DGKB: variants seen among roughly 807,000 people sequenced by gnomAD.
The protein encoded by DGKB is diacylglycerol kinase beta, also known as 90 kDa diacylglycerol kinase.
DGKB carries 67 observed loss-of-function variants against 114.3 expected under a neutral mutation model. The ratio of observed to expected loss-of-function variants is 0.59; its 90% CI spans 0.48 to 0.72. DGKB has a LOEUF of 0.72. DGKB is among the 30% of genes least tolerant of loss of function. The probability of loss-of-function intolerance (pLI) is 0.00; values close to 1 mark genes in which losing one functional copy is unlikely to be tolerated. For missense variants in DGKB, 907 were observed against 975.2 expected, an observed-to-expected ratio of 0.93 and a Z score of 0.93; for synonymous variants, 398 against 323.1, an observed-to-expected ratio of 1.23 and a Z score of -2.49.
At chr7:14,900,402 A>G (rs1411819920) in intron 1 of DGKB, among the ~76,000 whole-genome samples, 1 of 152,174 alleles carries the variant, frequency 6.6e-6, no homozygotes, top group Non-Finnish European at 1.5e-5. Context: ...TATTGTGCAT[A>G]TATAAATACA....
chr7:14,777,247 G>A (rs1043413908), intron 2 of DGKB, among the ~76,000 whole-genome samples: 8 of 152,138 alleles, frequency 5.3e-5, no homozygotes, highest in Non-Finnish European at 1.0e-4. Flanking sequence ...TGTCTCAGAT[G>A]AGACTTTGGA....
chr7:14,724,480 A>G (rs1829723584), intron 5 of DGKB, among the ~76,000 whole-genome samples: 1 of 152,212 alleles, frequency 6.6e-6, no homozygotes, highest in African/African-American at 2.4e-5. Context: ...AGTCCCTGAT[A>G]TGAAACTGGG....
intron 2 of DGKB, chr7:14,815,246 TAA>T (rs748014793): frequency 1.3e-5 from 2 of 152,232 alleles, no homozygotes; most frequent in Non-Finnish European, 2.9e-5. Flanking sequence ...CTTCTGTAAG[TAA>T]AGTCTGCATC....
chr7:14,306,203 A>G (rs1039058370), intron 23 of DGKB, among the ~76,000 whole-genome samples: 9 of 152,202 alleles, frequency 5.9e-5, no homozygotes, highest in Admixed American at 1.3e-4. Flanking sequence ...AGATACACAT[A>G]TACTTAAATA....
At chr7:14,252,175 C>G (rs986493918) in intron 23 of DGKB, among the ~76,000 whole-genome samples, 1 of 152,070 alleles carries the variant, frequency 6.6e-6, no homozygotes. Context: ...AGGCTTCTTT[C>G]AGGTTTTTTA....
In DGKB at chr7:14,875,917, G is replaced by A. The variant is rs550709600; in HGVS notation, c.-188+26675C>T. Among the ~76,000 whole-genome samples the A allele has an allele frequency of 2.6e-5, 4 of 152,196 alleles. No individual in the cohort carries two copies. In the South Asian group the frequency reaches 6.2e-4, roughly 24 times the overall value. On this transcript the variant is annotated intron_variant, in intron 1 of 25. Coordinates refer to ENST00000402815, the MANE Select transcript of DGKB (RefSeq NM_001350709.2). ...ATTCTTCTTCCAATGTGGCCCAGGG[G>A]AGCCAAAAGATTGGACACTCTTGGG...
chr7:14,349,976 G>T (rs947864628), intron 21 of DGKB, among the ~76,000 whole-genome samples: 1 of 152,008 alleles, frequency 6.6e-6, no homozygotes, highest in Non-Finnish European at 1.5e-5. Flanking sequence ...AGTAACAAAG[G>T]TTCTGTAAAC....
At chr7:14,487,583 C>A (rs1584325087) in intron 20 of DGKB, among the ~76,000 whole-genome samples, 1 of 125,902 alleles carries the variant, frequency 7.9e-6, no homozygotes, top group African/African-American at 2.9e-5. Context: ...AAGAAAATTC[C>A]TTTTTTTTTT....
chr7:14,438,001 T>C (rs17168178), intron 21 of DGKB, among the ~76,000 whole-genome samples: 2,880 of 151,994 alleles, frequency 0.019, 75 homozygotes, highest in African/African-American at 0.066. Context: ...AGAATAATGT[T>C]ATAGTACATA....
chr7:14,467,943 C>G (rs996112293), intron 21 of DGKB, among the ~76,000 whole-genome samples: 2 of 151,980 alleles, frequency 1.3e-5, no homozygotes, highest in Admixed American at 6.6e-5. Context: ...TTAATATGTC[C>G]TGTAAAGAAG....
intron 1 of DGKB, among the ~76,000 whole-genome samples, chr7:14,925,345 A>G (rs1784694538): frequency 6.6e-6 from 1 of 152,192 alleles, no homozygotes; most frequent in Non-Finnish European, 1.5e-5. Context: ...CCTTTGATGA[A>G]TATCTGTTCA....
intron 21 of DGKB, among the ~76,000 whole-genome samples, chr7:14,391,257 T>A (rs550895469): frequency 1.3e-5 from 2 of 152,328 alleles, no homozygotes; most frequent in Admixed American, 1.3e-4. Context: ...TGAAGAAGTC[T>A]ATGCTGAGAA....
At chr7:14,946,377 C>A (rs1438066112) in intron 1 of DGKB, among the ~76,000 whole-genome samples, 1 of 151,748 alleles carries the variant, frequency 6.6e-6, no homozygotes, top group Non-Finnish European at 1.5e-5. Flanking sequence ...CTATCCAAAC[C>A]AAACTCCCAT....
At chr7:14,868,335 T>A (rs1197212775) in intron 1 of DGKB, among the ~76,000 whole-genome samples, 4 of 86,808 alleles carry the variant, frequency 4.6e-5, no homozygotes, top group Non-Finnish European at 8.9e-5. Flanking sequence ...TTTTCTTTCC[T>A]TTTCATTTTT....
At chr7:14,551,056 TTC>T in intron 20 of DGKB, among the ~76,000 whole-genome samples, 1 of 107,772 alleles carries the variant, frequency 9.3e-6, no homozygotes, top group East Asian at 5.6e-4. Flanking sequence ...ACTGGAGAAA[TTC>T]TGTTAACTAT....
At chr7:14,532,766 A>G (rs1229155259) in intron 20 of DGKB, among the ~76,000 whole-genome samples, 3 of 151,698 alleles carry the variant, frequency 2.0e-5, no homozygotes, top group South Asian at 2.1e-4. Flanking sequence ...CCTAAACATT[A>G]TCAAGCATAT....
chr7:14,745,656 T>G (rs530990965), intron 4 of DGKB, among the ~76,000 whole-genome samples: 39 of 152,338 alleles, frequency 2.6e-4, no homozygotes, highest in Middle Eastern at 3.4e-3. Context: ...TTGTGCTTTA[T>G]GCAGGGGAGG....
At chr7:14,216,919 C>T (rs746800832) in intron 23 of DGKB, among the ~76,000 whole-genome samples, 11 of 151,858 alleles carry the variant, frequency 7.2e-5, no homozygotes, top group Non-Finnish European at 1.0e-4. Flanking sequence ...TTGTTTCTTT[C>T]CAACAATTTA....
intron 1 of DGKB, among the ~76,000 whole-genome samples, chr7:14,945,605 A>G (rs1785828031): frequency 6.6e-6 from 1 of 151,798 alleles, no homozygotes; most frequent in Admixed American, 6.6e-5. Flanking sequence ...AGGCACACGC[A>G]CAAGTACAAG....
Sources: gnomAD v4.1 joint callset for allele counts (sites outside exome capture counted in the v4.1 genomes callset) on GRCh38, gnomAD v4.1.1 for gene constraint, MANE v1.5 for transcripts, NCBI Gene and HGNC (gene_info 2026-07-23, HGNC 2026-07-21) for gene names.